Variants in MMP16 observed in about 807,000 individuals in gnomAD.
MMP16 encodes matrix metalloproteinase-16.
A neutral mutation model predicts 67.8 loss-of-function variants in MMP16; 12 were observed. That is an observed-to-expected ratio of 0.18 (90% CI 0.11 to 0.29). The LOEUF (loss-of-function observed/expected upper bound fraction) is 0.29. MMP16 is among the 10% of genes least tolerant of loss of function. The probability of loss-of-function intolerance (pLI) is 1.00; values close to 1 mark genes in which losing one functional copy is unlikely to be tolerated. For synonymous variants in MMP16, 249 were observed against 255.9 expected (o/e 0.97, Z 0.26); for missense variants, 475 against 765.7 (o/e 0.62, Z 4.48).
Position 88,178,042 on chromosome 8 carries a change from T to G in MMP16, c.404+8434A>C, listed in dbSNP as rs28905771. 2.6e-5 allele frequency among the ~76,000 whole-genome samples: 4 copies of G among 151,758 alleles called. No individual in the cohort carries two copies. The East Asian group carries it at 7.7e-4, about 29-fold the overall frequency. On this transcript the variant is annotated intron_variant, in intron 3 of 9. Transcript: ENST00000286614. ...AAAAAGAACTCTAGAAGAAATTCAG[T>G]TACAGCCAACATTAAATACAACCTA...
chr8:88,158,022 T>C (rs530926940), intron 4 of MMP16, among the ~76,000 whole-genome samples: 77 of 152,302 alleles, frequency 5.1e-4, no homozygotes, highest in African/African-American at 1.8e-3. Context: ...TATGGCTGCA[T>C]AGTATTCCAT....
chr8:88,304,419 A>G (rs1773670026), intron 1 of MMP16, among the ~76,000 whole-genome samples: 1 of 152,226 alleles, frequency 6.6e-6, no homozygotes. Flanking sequence ...AAGACAGGCC[A>G]ACATTCAAAT....
rs528562401 is a variant in MMP16 at position 88,036,092 on chromosome 8, G to C, written c.*5369C>G. 3 of 152,026 alleles carry C rather than the reference G, an allele frequency of 2.0e-5. No homozygotes were observed. The South Asian group carries it at 6.2e-4, about 31-fold the overall frequency. The allele number at this position is 152,026 out of a possible 1,614,324, so 9.4% of individuals were successfully genotyped here. On this transcript the variant is annotated 3_prime_UTR_variant, in exon 10 of 10. Coordinates refer to ENST00000286614, the MANE Select transcript of MMP16 (RefSeq NM_005941.5). ...GGTAAATTTCTATTTCAGGGAAATG[G>C]CTTGTCTCAGGGGATTCTAACATTA...
chr8:88,143,675 G>A (rs1201476727), intron 4 of MMP16, among the ~76,000 whole-genome samples: 1 of 151,930 alleles, frequency 6.6e-6, no homozygotes, highest in Non-Finnish European at 1.5e-5. Flanking sequence ...TTAGATAAGG[G>A]TCTTGAGGGA....
Position 88,268,256 on chromosome 8 carries a change from C to T in MMP16, c.132+58819G>A, listed in dbSNP as rs1035819987. 7.9e-5 allele frequency among the ~76,000 whole-genome samples: 12 copies of T among 152,078 alleles called. No individual in the cohort carries two copies. In the East Asian group the frequency reaches 1.5e-3, roughly 20 times the overall value. ...ACTTGGGAGGCTGAGGCAGGAGAAT[C>T]GCTTGAACCTGGGAGGTGGAGGTTG... On this transcript the variant is annotated intron_variant, in intron 1 of 9. Coordinates refer to ENST00000286614, the MANE Select transcript of MMP16 (RefSeq NM_005941.5).
chr8:88,088,817 C>T (rs888534034), intron 6 of MMP16, among the ~76,000 whole-genome samples: 8 of 152,152 alleles, frequency 5.3e-5, no homozygotes, highest in African/African-American at 1.9e-4. Flanking sequence ...TGAGGGAAGT[C>T]AGATGATCAC....
chr8:88,096,793 GGT>G (rs1809034967), intron 6 of MMP16, among the ~76,000 whole-genome samples: 1 of 151,752 alleles, frequency 6.6e-6, no homozygotes, highest in Non-Finnish European at 1.5e-5. Context: ...GCTATAGGAG[GGT>G]GTATTTTAAT....
intron 1 of MMP16, among the ~76,000 whole-genome samples, chr8:88,228,936 T>C (rs892249347): frequency 6.6e-6 from 1 of 151,800 alleles, no homozygotes; most frequent in Non-Finnish European, 1.5e-5. Flanking sequence ...CAAGATGAGA[T>C]GATCACTTGA....
At chr8:88,231,415 A>C (rs28678551) in intron 1 of MMP16, among the ~76,000 whole-genome samples, 26,485 of 152,160 alleles carry the variant, frequency 0.17, 2,446 homozygotes, top group South Asian at 0.2. Flanking sequence ...TGAATCCAAA[A>C]TTATTTGGTT....
chr8:88,297,603 G>A (rs73692217), intron 1 of MMP16, among the ~76,000 whole-genome samples: 21,391 of 152,142 alleles, frequency 0.14, 2,083 homozygotes, highest in African/African-American at 0.26. Context: ...GTCAGGATGG[G>A]GGCTGATTCT....
chr8:88,095,712 G>A (rs779494221), intron 6 of MMP16, among the ~76,000 whole-genome samples: 2 of 151,884 alleles, frequency 1.3e-5, no homozygotes, highest in Non-Finnish European at 2.9e-5. Flanking sequence ...ATTATCTAAT[G>A]AGCCTTTGAC....
Position 88,085,685 on chromosome 8 carries a change from A to G in MMP16, c.1084-10942T>C, listed in dbSNP as rs553843387. ...TTAATGTCTTTATTTTCAAGGAAGA[A>G]TGTCATAGTTACCATTTGGATTAAA... On this transcript the variant is annotated intron_variant, in intron 6 of 9. Coordinates refer to ENST00000286614, the MANE Select transcript of MMP16 (RefSeq NM_005941.5). Among the ~76,000 whole-genome samples the G allele has an allele frequency of 2.0e-4, 30 of 152,186 alleles. No individual in the cohort carries two copies. The South Asian group carries it at 6.2e-3, about 32-fold the overall frequency.
intron 1 of MMP16, among the ~76,000 whole-genome samples, chr8:88,290,728 C>T (rs1392047228): frequency 6.6e-6 from 1 of 152,054 alleles, no homozygotes; most frequent in East Asian, 1.9e-4. Flanking sequence ...CAGGAACGCA[C>T]CACCATATCT....
At chr8:88,257,789 TA>T (rs1191267172) in intron 1 of MMP16, among the ~76,000 whole-genome samples, 2 of 152,310 alleles carry the variant, frequency 1.3e-5, no homozygotes, top group Admixed American at 1.3e-4. Context: ...TTATGGGTTA[TA>T]CTAGACCTCA....
intron 1 of MMP16, among the ~76,000 whole-genome samples, chr8:88,304,457 A>ATCATG (rs1811182121): frequency 6.6e-6 from 1 of 152,140 alleles, no homozygotes; most frequent in African/African-American, 2.4e-5. Flanking sequence ...CCCCAGTAAG[A>ATCATG]TACTCTAAAA....
rs1358184519 is a variant in MMP16 at position 88,175,083 on chromosome 8, T to C, written c.405-7110A>G. 2.0e-5 allele frequency among the ~76,000 whole-genome samples: 3 copies of C among 152,076 alleles called. No homozygotes were observed. The East Asian group carries it at 5.8e-4, about 29-fold the overall frequency. ...CTGCTTTTTGAGAGGAGGACATTAA[T>C]TGTCCAGGAAGCAGCCAAAAAGGTG... On this transcript the variant is annotated intron_variant, in intron 3 of 9. Coordinates refer to ENST00000286614, the MANE Select transcript of MMP16 (RefSeq NM_005941.5).
intron 1 of MMP16, among the ~76,000 whole-genome samples, chr8:88,260,289 TG>T (rs1348293141): frequency 6.7e-6 from 1 of 149,280 alleles, no homozygotes. Flanking sequence ...AAGGAATACA[TG>T]TTTTTTTTGT....
intron 1 of MMP16, among the ~76,000 whole-genome samples, chr8:88,217,610 A>T (rs570863460): frequency 6.6e-6 from 1 of 152,108 alleles, no homozygotes; most frequent in African/African-American, 2.4e-5. Flanking sequence ...TTATATTACC[A>T]ATCTCTTATC....
At chr8:88,243,541 G>A (rs1272684009) in intron 1 of MMP16, among the ~76,000 whole-genome samples, 1 of 152,166 alleles carries the variant, frequency 6.6e-6, no homozygotes, top group African/African-American at 2.4e-5. Context: ...ATTTCACCCA[G>A]AAAATGTTGC....
Sources: gnomAD v4.1 joint callset for allele counts (sites outside exome capture counted in the v4.1 genomes callset) on GRCh38, gnomAD v4.1.1 for gene constraint, MANE v1.5 for transcripts, NCBI Gene and HGNC (gene_info 2026-07-23, HGNC 2026-07-21) for gene names.